ITGA2B: variants seen among roughly 807,000 people sequenced by gnomAD.
ITGA2B encodes the protein integrin subunit alpha 2b.
ITGA2B carries 91 observed loss-of-function variants against 142.0 expected under a neutral mutation model. The ratio of observed to expected loss-of-function variants is 0.64; its 90% confidence interval spans 0.54 to 0.76. The LOEUF is 0.76. ITGA2B is among the 30% of genes least tolerant of loss of function. The pLI, the probability that ITGA2B is intolerant of heterozygous loss-of-function variation, is 0.00. For missense variants in ITGA2B, 1,231 were observed against 1,350.8 expected (o/e 0.91, Z 1.39); for synonymous variants, 536 against 567.2 (o/e 0.94, Z 0.78).
In ITGA2B at chr17:44,385,582, G is replaced by A. The variant is rs928062395; in HGVS notation, c.543C>T (p.Thr181=). ...CATTTTCCACGTAAATGCGGCTCAG[G>A]GTGTTCCCGCGACAGGGGGAGTACT... The part of the protein sequence containing the change: ...RAEYSPCRGN[T]LSRIYVENDF... Residue 181 remains threonine, a synonymous_variant, in exon 4 of 30, where the codon ACC becomes ACT. Transcript: ENST00000262407. 19 of 1,606,530 alleles carry A rather than the reference G, an allele frequency of 1.2e-5. No individual in the cohort carries two copies. In the Middle Eastern group the frequency reaches 5.0e-4, roughly 42 times the overall value.
rs540432584 is a variant in ITGA2B, at chr17:44,379,113, A to ATT, written c.1879-405_1879-404dup. ...AGGTACCCGCCACCACGCCCAGCTA[A>ATT]TTTTTTTTTTTTTTTTGTATTTTTA... On this transcript the variant is annotated intron_variant, in intron 18 of 29. Coordinates refer to ENST00000262407, the MANE Select transcript of ITGA2B (RefSeq NM_000419.5). 4.1e-3 allele frequency among the ~76,000 whole-genome samples: 564 copies of ATT among 138,008 alleles called. 5 individuals carry two copies. The highest frequency in any genetic ancestry group is 0.014 in the African/African-American group (509 of 37,536). 90.5% of individuals were successfully genotyped at this position (138,008 alleles called of 152,430 possible). A position where few individuals can be genotyped will look rare whatever the true frequency, so the allele number is the denominator to read the frequency against.
In ITGA2B at chr17:44,380,650, A is replaced by C; in HGVS notation, c.1394-5T>G. 1 of 1,614,174 alleles carries C rather than the reference A, an allele frequency of 6.2e-7. No homozygotes were observed. On this transcript the variant is annotated splice_region_variant and splice_polypyrimidine_tract_variant and intron_variant, in intron 13 of 29. Coordinates refer to ENST00000262407, the MANE Select transcript of ITGA2B (RefSeq NM_000419.5). ...CGTAAGCTCCCACGATCAGGTCTAT[A>C]GACATCGAGGAATGGGTCAGAATTG...
chr17:44,389,313 A>C lies in ITGA2B; in HGVS notation c.161T>G (p.Leu54Arg). ...CCCATGGCTGTCCTTGTGGAAGTCC[A>C]GTGAAAATCCAAACTGGCTGCCATT... is the stretch of plus-strand genomic sequence containing the variant. Reference protein sequence around the residue: ...GPNGSQFGFSLDFHKDSHGRV... With the variant: ...GPNGSQFGFSRDFHKDSHGRV... The change falls in exon 1 of 30, where the codon CTG becomes CGG. Residue 54 changes from leucine (L) to arginine (R), a missense_variant. Physicochemically the swap from Leu to Arg is moderately radical, Grantham distance 102. Coordinates refer to ENST00000262407, the MANE Select transcript of ITGA2B (RefSeq NM_000419.5). The C allele has an allele frequency of 6.2e-7, 1 of 1,614,144 alleles. No individual in the cohort carries two copies. Among genetic ancestry groups the C allele is most frequent in the Non-Finnish European group, 8.5e-7 (1 of 1,180,032 alleles).
rs762027704 is a variant in ITGA2B, at chr17:44,383,636, A to G, written c.1067T>C (p.Val356Ala). 5 of 1,603,340 alleles carry G rather than the reference A, an allele frequency of 3.1e-6. No homozygotes were observed. The East Asian group carries it at 1.1e-4, about 36-fold the overall frequency. The change falls in exon 12 of 30, where the codon GTG becomes GCG. Residue 356 changes from valine (V) to alanine (A), a missense_variant. Physicochemically the swap from Val to Ala is moderately conservative, Grantham distance 64 (BLOSUM62 0). Coordinates refer to ENST00000262407, the MANE Select transcript of ITGA2B (RefSeq NM_000419.5). ...ESRADRKLAE[V>A]GRVYLFLQPR... ...CTGCAGGAACAAATACACACGCCCCACTTCGGCCAGTTTTCGGTCTGCCCG... is the reference window on the plus strand; with the variant it reads ...CTGCAGGAACAAATACACACGCCCCGCTTCGGCCAGTTTTCGGTCTGCCCG...
intron 26 of ITGA2B, chr17:44,375,342 TATG>T: frequency 3.2e-6 from 2 of 630,440 alleles, no homozygotes; most frequent in South Asian, 1.9e-5. Flanking sequence ...TGCTCAGATC[TATG>T]ATAACCTTGC....
At chr17:44,379,259 T>C (rs2048572923) in intron 18 of ITGA2B, among the ~76,000 whole-genome samples, 1 of 150,062 alleles carries the variant, frequency 6.7e-6, no homozygotes, top group African/African-American at 2.5e-5. Context: ...TGGCTTTTTT[T>C]TTTTTTTTTG....
intron 29 of ITGA2B, among the ~76,000 whole-genome samples, chr17:44,373,003 C>G (rs569989563): frequency 6.6e-6 from 1 of 152,268 alleles, no homozygotes; most frequent in East Asian, 1.9e-4. Context: ...TCTTAGCCTC[C>G]CAAGTAGCTG....
rs754999326 is a variant in ITGA2B at position 44,385,628 on chromosome 17, G to A, written c.497C>T (p.Pro166Leu). 6.2e-7 allele frequency: 1 copy of A among 1,613,198 alleles called. No homozygotes were observed. The highest frequency in any genetic ancestry group is 8.5e-7 in the Non-Finnish European group (1 of 1,179,958). The change falls in exon 4 of 30, where the codon CCA (proline) becomes CTA (leucine). Residue 166 changes from proline to leucine, a missense_variant. By Grantham distance (98) the Pro-to-Leu change is moderately conservative (BLOSUM62 -3). Around this residue, in one of 3 missense-constraint regions of ITGA2B, gnomAD observed 318 missense variants for 312.2 expected, o/e 1.02. Transcript: ENST00000262407. ...GTACTCGGCGCGGCGGCCGCTCTCT[G>A]GCTGAGCCAAAAAGCAGCTACCTAC... is the stretch of plus-strand genomic sequence containing the variant. The part of the protein sequence containing the change: ...TPVGSCFLAQ[P>L]ESGRRAEYSP...
chr17:44,385,815 G>C lies in ITGA2B; in HGVS notation c.408+9C>G, dbSNP rs1307754829. On this transcript the variant is annotated intron_variant, in intron 3 of 29. Transcript: ENST00000262407. ...GATTGTTCCCTGTGCCCTGTACCGC[G>C]GGGCCCACCACAATGACGTCGCTCC... 6.2e-7 allele frequency: 1 copy of C among 1,604,858 alleles called. No homozygotes were observed.
intron 18 of ITGA2B, 38 bp downstream of exon 18, chr17:44,379,651 G>A (rs757716307): frequency 1.9e-6 from 3 of 1,613,490 alleles, no homozygotes; most frequent in Non-Finnish European, 2.5e-6. Flanking sequence ...GCTATCAGGG[G>A]TCCTGCACCT....
In ITGA2B at chr17:44,380,047, G is replaced by T; in HGVS notation, c.1707C>A (p.Gly569=). The change falls in exon 17 of 30, where the codon GGC becomes GGA. Residue 569 remains glycine (G), a synonymous_variant. Coordinates refer to ENST00000262407, the MANE Select transcript of ITGA2B (RefSeq NM_000419.5). ...QAGTTLNLDL[G]GKHSPICHTT... ...TGTGGCAGATGGGGCTGTGCTTTCC[G>T]CCCAGATCCAGGTTCAGGGTGGTGC... 6.2e-7 allele frequency: 1 copy of T among 1,613,882 alleles called. No individual in the cohort carries two copies. Among genetic ancestry groups the T allele is most frequent in the Non-Finnish European group, 8.5e-7 (1 of 1,180,026 alleles).
In ITGA2B at chr17:44,389,353, A is replaced by T. The variant is rs2048678390; in HGVS notation, c.121T>A (p.Phe41Ile). 2 of 1,614,038 alleles carry T rather than the reference A, an allele frequency of 1.2e-6. No homozygotes were observed. The highest frequency in any genetic ancestry group is 1.7e-6 in the Non-Finnish European group (2 of 1,180,026). Residue 41 changes from phenylalanine to isoleucine, a missense_variant, in exon 1 of 30, where the codon TTC becomes ATC. Phe to Ile is a conservative substitution (Grantham distance 21, BLOSUM62 0). This residue lies in a region of ITGA2B where 318 missense variants were observed against 312.2 expected (regional missense o/e 1.02). Coordinates refer to ENST00000262407, the MANE Select transcript of ITGA2B (RefSeq NM_000419.5). ...TGGCTGCCATTGGGGCCTGCATAGA[A>T]GGTGAGCTGCACTGGGTCCAGGTTC... ...ALNLDPVQLT[F>I]YAGPNGSQFG... is the part of the protein sequence containing the mutation.
chr17:44,385,403 C>T lies in ITGA2B; in HGVS notation c.575-68G>A, dbSNP rs569860761. Reference sequence around the variant, plus strand: ...AGGCGCGCGCGAGCCCGGAGGAGGGCTGGGGGACAGGGGCGGGGCCTTGAG... The same window carrying T: ...AGGCGCGCGCGAGCCCGGAGGAGGGTTGGGGGACAGGGGCGGGGCCTTGAG... On this transcript the variant is annotated intron_variant, in intron 4 of 29. Transcript: ENST00000262407. 7.7e-6 allele frequency: 12 copies of T among 1,554,790 alleles called. No homozygotes were observed. In the African/African-American group the frequency reaches 1.1e-4, roughly 14 times the overall value.
intron 15 of ITGA2B, 35 bp from the exon 16 acceptor site, chr17:44,380,336 C>A: frequency 1.9e-6 from 3 of 1,614,164 alleles, no homozygotes; most frequent in Non-Finnish European, 2.5e-6. Context: ...GGGGTTGGAG[C>A]CTTTCTGAGG....
rs371047361 is a variant in ITGA2B at position 44,372,430 on chromosome 17, G to T, written c.3061-7C>A. The T allele has an allele frequency of 8.1e-6, 13 of 1,613,758 alleles. No homozygotes were observed. Among genetic ancestry groups the T allele is most frequent in the African/African-American group, 4.0e-5 (3 of 74,846 alleles). On this transcript the variant is annotated splice_polypyrimidine_tract_variant and splice_region_variant and intron_variant, in intron 29 of 29. Transcript: ENST00000262407. The stretch of plus-strand genomic sequence containing the variant: ...TCCGCTTGAAGAAGCCGACCTGGGG[G>T]TACACGGGGGCCAAGGTCAGGGTAT...
rs750446064 is a variant in ITGA2B, at chr17:44,375,724, G to A, written c.2602-8C>T. 1.1e-5 allele frequency: 18 copies of A among 1,572,300 alleles called. No individual in the cohort carries two copies. Among genetic ancestry groups the A allele is most frequent in the Non-Finnish European group, 1.6e-5 (18 of 1,158,592 alleles). ...GGGCAGCCCCCAGTCCACCTGGGGG[G>A]GCAAAGGAGTGGTCAGGCCCAGGTC... On this transcript the variant is annotated splice_region_variant and splice_polypyrimidine_tract_variant and intron_variant, in intron 25 of 29. Transcript: ENST00000262407.
At chr17:44,388,351 CTTTT>C (rs35720866) in intron 1 of ITGA2B, among the ~76,000 whole-genome samples, 1 of 97,360 alleles carries the variant, frequency 1.0e-5, no homozygotes, top group Non-Finnish European at 1.9e-5. Context: ...CATTTCCTTT[CTTTT>C]TTTTTTTTTT....
Position 44,385,703 on chromosome 17 carries a change from CA to C in ITGA2B, c.421del (p.Trp141GlyfsTer7), listed in dbSNP as rs1286667658. On this transcript the variant is annotated frameshift_variant, in exon 4 of 30. Transcript: ENST00000262407. ...CTTTTCTAGGACGTTCCAGTGCTGC[CA>C]GGGGGCGCAGGCCTGGAGAAAGGCC... is the stretch of plus-strand genomic sequence containing the variant. Reference protein sequence around the residue: ...WSDVIVACAPWQHWNVLEKTE... With the variant: ...WSDVIVACAPXQHWNVLEKTE... 5.6e-6 allele frequency: 9 copies of C among 1,613,576 alleles called. No individual in the cohort carries two copies. Among genetic ancestry groups the C allele is most frequent in the Non-Finnish European group, 7.6e-6 (9 of 1,180,010 alleles).
At chr17:44,376,676 C>G (rs935342911) in intron 22 of ITGA2B, among the ~76,000 whole-genome samples, 4 of 152,020 alleles carry the variant, frequency 2.6e-5, no homozygotes, top group Non-Finnish European at 5.9e-5. Context: ...GGCCCAATCT[C>G]AGCTCACTGC....
Sources: allele counts gnomAD v4.1 joint callset (sites outside exome capture counted in the v4.1 genomes callset), GRCh38; gene constraint gnomAD v4.1.1; regional missense constraint gnomAD v4.1.1; transcripts MANE v1.5; gene names NCBI Gene and HGNC (gene_info 2026-07-23, HGNC 2026-07-21).